The following SOHLH2 variants were observed in gnomAD, a reference collection of about 807,000 sequenced individuals.
The protein encoded by SOHLH2 is spermatogenesis and oogenesis specific basic helix-loop-helix 2.
Under a neutral mutation model 50.4 loss-of-function variants are expected in SOHLH2, and 22 were observed. The ratio of observed to expected loss-of-function variants is 0.44; its 90% confidence interval spans 0.31 to 0.62. The LOEUF (loss-of-function observed/expected upper bound fraction) is 0.62. Among genes scored for constraint, SOHLH2 ranks in the 20% least tolerant of loss-of-function variants. The pLI is 0.08. For missense variants in SOHLH2, 412 were observed against 504.4 expected (o/e 0.82, Z 1.76); for synonymous variants, 185 against 187.3 (o/e 0.99, Z 0.10).
chr13:36,174,665 T>G, intron 7 of SOHLH2, 57 bp downstream of exon 7: 1 of 1,596,546 alleles, frequency 6.3e-7, no homozygotes, highest in East Asian at 2.2e-5. Context: ...AGAAGTAAAA[T>G]TGTAGTATTA....
intron 5 of SOHLH2, 66 bp downstream of exon 5, chr13:36,191,729 C>A: frequency 6.3e-7 from 1 of 1,599,046 alleles, no homozygotes; most frequent in Non-Finnish European, 8.5e-7. Context: ...CCCTCTTCCA[C>A]AAAATAGCCA....
At chr13:36,195,637 G>C (rs1183287114) in intron 2 of SOHLH2, among the ~76,000 whole-genome samples, 1 of 152,204 alleles carries the variant, frequency 6.6e-6, no homozygotes, top group Non-Finnish European at 1.5e-5. Context: ...AGGTGGACTG[G>C]AAAGACCCTA....
At chr13:36,199,685 A>C (rs1265239955) in intron 2 of SOHLH2, among the ~76,000 whole-genome samples, 1 of 152,218 alleles carries the variant, frequency 6.6e-6, no homozygotes, top group Non-Finnish European at 1.5e-5. Flanking sequence ...CAGGGCAATA[A>C]AAGCTGCTGA....
At chr13:36,172,745 C>A (rs969884828) in intron 9 of SOHLH2, among the ~76,000 whole-genome samples, 2 of 152,114 alleles carry the variant, frequency 1.3e-5, no homozygotes, top group Non-Finnish European at 2.9e-5. Context: ...TACTAACTAG[C>A]GCAGGTGAGG....
chr13:36,189,979 G>C lies in SOHLH2; in HGVS notation c.608C>G (p.Ser203Cys). 1 of 1,603,702 alleles carries C rather than the reference G, an allele frequency of 6.2e-7. No homozygotes were observed. The highest frequency in any genetic ancestry group is 2.2e-5 in the East Asian group (1 of 44,620). ...TTTTTCCTTGCTTGAATGAAGAAGAGAGATCTTTTTGTTTTTCTCGAACTC... is the reference window on the plus strand; with the variant it reads ...TTTTTCCTTGCTTGAATGAAGAAGACAGATCTTTTTGTTTTTCTCGAACTC... ...LSEFEKNKKI[S>C]LLHSSKEKLR... The change falls in exon 6 of 11, where the codon TCT becomes TGT. Residue 203 changes from serine to cysteine, a missense_variant. Coordinates refer to ENST00000379881, the MANE Select transcript of SOHLH2 (RefSeq NM_017826.3).
At position 36,169,775 on chromosome 13, in the gene SOHLH2, G is replaced by A. The variant is rs145406983; in HGVS notation, c.1258-721C>T. Reference sequence around the variant, plus strand: ...GGACTGCTCTTGCCTACTCACTCCCGATTCCTCACCCCTCTACCTAGCTAT... The same window carrying A: ...GGACTGCTCTTGCCTACTCACTCCCAATTCCTCACCCCTCTACCTAGCTAT... On this transcript the variant is annotated intron_variant, in intron 10 of 10. Transcript: ENST00000379881. 5.3e-5 allele frequency among the ~76,000 whole-genome samples: 8 copies of A among 152,198 alleles called. No homozygotes were observed. In the East Asian group the frequency reaches 7.7e-4, roughly 15 times the overall value.
intron 1 of SOHLH2, among the ~76,000 whole-genome samples, chr13:36,206,179 G>A (rs1022707956): frequency 4.1e-4 from 63 of 152,050 alleles, no homozygotes; most frequent in African/African-American, 1.5e-3. Context: ...ATTCAGTTCA[G>A]TTGCACTAGC....
intron 9 of SOHLH2, 86 bp from the exon 10 acceptor site, chr13:36,170,873 A>G: frequency 6.5e-7 from 1 of 1,533,828 alleles, no homozygotes; most frequent in Non-Finnish European, 8.8e-7. Context: ...ACTGCCCGCT[A>G]TTTCATTTCC....
At chr13:36,193,381 GA>G (rs1417662854) in intron 4 of SOHLH2, among the ~76,000 whole-genome samples, 3 of 152,122 alleles carry the variant, frequency 2.0e-5, no homozygotes, top group African/African-American at 4.8e-5. Context: ...AAAAAAGAAA[GA>G]AAAACAGTAA....
At chr13:36,170,080 A>G (rs1328810439) in intron 10 of SOHLH2, among the ~76,000 whole-genome samples, 2 of 152,216 alleles carry the variant, frequency 1.3e-5, no homozygotes, top group African/African-American at 4.8e-5. Flanking sequence ...GACACCTGGT[A>G]TCTGAAATCA....
chr13:36,201,768 C>A (rs1868433778), intron 2 of SOHLH2, 111 bp downstream of exon 2: 1 of 1,438,626 alleles, frequency 7.0e-7, no homozygotes. Flanking sequence ...ATCCCTGGCC[C>A]CTCAATTTGA....
intron 6 of SOHLH2, among the ~76,000 whole-genome samples, chr13:36,175,140 C>T (rs1014626352): frequency 2.6e-5 from 4 of 152,232 alleles, no homozygotes; most frequent in Admixed American, 1.3e-4. Flanking sequence ...AGCTCTCTCA[C>T]CTCAGGCCTG....
chr13:36,193,868 C>T lies in SOHLH2; in HGVS notation c.264-1G>A. 6.3e-7 allele frequency: 1 copy of T among 1,591,054 alleles called. No individual in the cohort carries two copies. Among genetic ancestry groups the T allele is most frequent in the Non-Finnish European group, 8.5e-7 (1 of 1,174,052 alleles). On this transcript the variant is annotated splice_acceptor_variant, in intron 2 of 10. Transcript: ENST00000379881. LOFTEE classifies it high-confidence loss of function. ...ATGTGTATTTTTCTTTTTGCCAAAT[C>T]TGAGAGAGGAAAGAAAATGTTAAAA...
At chr13:36,194,203 A>T (rs1887656881) in intron 2 of SOHLH2, among the ~76,000 whole-genome samples, 1 of 152,008 alleles carries the variant, frequency 6.6e-6, no homozygotes, top group Admixed American at 6.6e-5. Context: ...GAATTCTGTA[A>T]GACAAATGAC....
intron 6 of SOHLH2, among the ~76,000 whole-genome samples, chr13:36,176,402 A>G (rs1160603437): frequency 1.3e-5 from 2 of 152,210 alleles, no homozygotes; most frequent in Non-Finnish European, 2.9e-5. Flanking sequence ...AGAATTATAC[A>G]GTGAACACCT....
chr13:36,191,827 G>A lies in SOHLH2; in HGVS notation c.498C>T (p.His166=), dbSNP rs1467771184. 6.2e-7 allele frequency: 1 copy of A among 1,613,912 alleles called. No homozygotes were observed. The highest frequency in any genetic ancestry group is 1.1e-5 in the South Asian group (1 of 91,080). Residue 166 remains histidine, a synonymous_variant, in exon 5 of 11, where the codon CAC becomes CAT. Coordinates refer to ENST00000379881, the MANE Select transcript of SOHLH2 (RefSeq NM_017826.3). ...GLPLQRSYSE[H]LGYFPTDLFA... ...ATAGATCAGTAGGAAAATATCCCAG[G>A]TGTTCGCTGTAGGACCTCTGCAGGG... is the stretch of plus-strand genomic sequence containing the variant.
At chr13:36,179,017 G>A (rs139468808) in intron 6 of SOHLH2, among the ~76,000 whole-genome samples, 1 of 151,986 alleles carries the variant, frequency 6.6e-6, no homozygotes, top group African/African-American at 2.4e-5. Flanking sequence ...AACGTCTTAG[G>A]ACTTTGACTT....
intron 6 of SOHLH2, among the ~76,000 whole-genome samples, chr13:36,183,795 A>T (rs1414482528): frequency 6.6e-6 from 1 of 152,216 alleles, no homozygotes; most frequent in Non-Finnish European, 1.5e-5. Flanking sequence ...ATTTTTTAAG[A>T]CAGGGAGTAC....
intron 6 of SOHLH2, chr13:36,182,120 T>C (rs1292579248): frequency 2.0e-6 from 2 of 985,276 alleles, no homozygotes; most frequent in East Asian, 2.3e-4. Flanking sequence ...AAGAAAAAAG[T>C]GTCCTTGTAC....
Sources: allele counts gnomAD v4.1 joint callset (sites outside exome capture counted in the v4.1 genomes callset), GRCh38; gene constraint gnomAD v4.1.1; transcripts MANE v1.5; gene names NCBI Gene and HGNC (gene_info 2026-07-23, HGNC 2026-07-21).